The following SIPA1L1 variants were observed in gnomAD, a reference collection of about 807,000 sequenced individuals.
The protein encoded by SIPA1L1 is signal-induced proliferation-associated 1-like protein 1.
Under a neutral mutation model 162.7 loss-of-function variants are expected in SIPA1L1, and 26 were observed. That is an observed-to-expected ratio of 0.16 (90% CI 0.12 to 0.22). SIPA1L1 has a LOEUF of 0.22. Ranked by LOEUF, SIPA1L1 falls within the 10% of genes least tolerant of loss-of-function variation. The pLI is 1.00. For synonymous variants in SIPA1L1, 829 were observed against 837.4 expected (o/e 0.99, Z 0.17); for missense variants, 1,874 against 2,241.0 (o/e 0.84, Z 3.31).
At chr14:71,425,906 A>ATCT (rs373337183) in intron 2 of SIPA1L1, among the ~76,000 whole-genome samples, 280 of 152,236 alleles carry the variant, frequency 1.8e-3, no homozygotes, top group Non-Finnish European at 2.5e-3. Context: ...TAATGGTTAT[A>ATCT]TCTTGCTATA....
Position 71,506,109 on chromosome 14 carries a change from C to G in SIPA1L1, c.-464-6634C>G, listed in dbSNP as rs138461731. ...TTTTTCCAGGTTTGCACACGTTGTC[C>G]CATTATTGTCACATGAAAGAACAAA... is the stretch of plus-strand genomic sequence containing the variant. On this transcript the variant is annotated intron_variant, in intron 2 of 23. Coordinates refer to ENST00000381232, the MANE Select transcript of SIPA1L1 (RefSeq NM_001386936.1). Among the ~76,000 whole-genome samples, 345 of 152,098 alleles carry G rather than the reference C, an allele frequency of 2.3e-3. 1 individual carries two copies. The highest frequency in any genetic ancestry group is 8.1e-3 in the African/African-American group (335 of 41,508).
intron 2 of SIPA1L1, among the ~76,000 whole-genome samples, chr14:71,405,773 C>G (rs2041989056): frequency 1.3e-5 from 2 of 152,172 alleles, no homozygotes; most frequent in South Asian, 4.1e-4. Context: ...TGTCTTTTAT[C>G]TCTGACCCTG....
chr14:71,529,511 T>C, intron 4 of SIPA1L1, 141 bp downstream of exon 4: 1 of 519,588 alleles, frequency 1.9e-6, no homozygotes, highest in Admixed American at 3.2e-5. Flanking sequence ...TGAAGTCGTT[T>C]GTCATCTGCT....
intron 6 of SIPA1L1, among the ~76,000 whole-genome samples, chr14:71,621,356 T>A (rs1391825023): frequency 2.0e-5 from 3 of 152,150 alleles, no homozygotes; most frequent in African/African-American, 7.2e-5. Context: ...CCCGGTTATC[T>A]CTCTGCGCCT....
intron 5 of SIPA1L1, among the ~76,000 whole-genome samples, chr14:71,605,401 G>A (rs922702647): frequency 3.3e-5 from 5 of 152,084 alleles, no homozygotes; most frequent in African/African-American, 1.2e-4. Context: ...TCTGTTGCTG[G>A]AGACTTAATT....
chr14:71,389,113 A>G (rs2040559413), intron 2 of SIPA1L1, among the ~76,000 whole-genome samples: 1 of 152,096 alleles, frequency 6.6e-6, no homozygotes, highest in Non-Finnish European at 1.5e-5. Flanking sequence ...TGAATCACCA[A>G]AGATTTGTTT....
intron 2 of SIPA1L1, among the ~76,000 whole-genome samples, chr14:71,450,311 A>G (rs1019951862): frequency 5.9e-5 from 9 of 152,150 alleles, no homozygotes; most frequent in Non-Finnish European, 1.0e-4. Context: ...TTTACTTCCT[A>G]AGGTGTCAGT....
At chr14:71,714,940 A>G (rs1461599129) in intron 17 of SIPA1L1, among the ~76,000 whole-genome samples, 2 of 152,196 alleles carry the variant, frequency 1.3e-5, no homozygotes, top group Admixed American at 6.5e-5. Flanking sequence ...TTCAATATTT[A>G]ATTCCATTCC....
At chr14:71,430,594 A>G (rs2043914365) in intron 2 of SIPA1L1, among the ~76,000 whole-genome samples, 1 of 152,208 alleles carries the variant, frequency 6.6e-6, no homozygotes, top group African/African-American at 2.4e-5. Flanking sequence ...GGACCAGAGA[A>G]ATCACTTAAT....
chr14:71,543,200 C>A (rs1053679266), intron 4 of SIPA1L1, among the ~76,000 whole-genome samples: 4 of 152,126 alleles, frequency 2.6e-5, no homozygotes, highest in Admixed American at 2.6e-4. Context: ...GAGAATTACC[C>A]CATCACTCTT....
At chr14:71,573,790 G>T in intron 4 of SIPA1L1, 1 of 446,244 alleles carries the variant, frequency 2.2e-6, no homozygotes, top group South Asian at 1.6e-5. Context: ...ACTGTTAACA[G>T]TGGTTACTGG....
At chr14:71,625,612 A>C (rs1052751502) in intron 7 of SIPA1L1, among the ~76,000 whole-genome samples, 1 of 152,260 alleles carries the variant, frequency 6.6e-6, no homozygotes, top group Admixed American at 6.5e-5. Flanking sequence ...AATTCTTCAA[A>C]AGACTACTGA....
intron 17 of SIPA1L1, among the ~76,000 whole-genome samples, chr14:71,714,475 C>T (rs144070936): frequency 5.9e-5 from 9 of 152,290 alleles, no homozygotes; most frequent in Middle Eastern, 3.4e-3. Flanking sequence ...GGGCAGAGAG[C>T]CCATTCTTCG....
At chr14:71,721,985 G>T (rs1274137834) in intron 17 of SIPA1L1, among the ~76,000 whole-genome samples, 1 of 152,206 alleles carries the variant, frequency 6.6e-6, no homozygotes, top group African/African-American at 2.4e-5. Context: ...TGGTCTAAAT[G>T]CTCTGTCCGT....
chr14:71,551,030 T>C (rs2055777898), intron 4 of SIPA1L1, among the ~76,000 whole-genome samples: 1 of 152,098 alleles, frequency 6.6e-6, no homozygotes, highest in Non-Finnish European at 1.5e-5. Context: ...GTTCATATCC[T>C]AGGGTCTTTC....
chr14:71,599,147 C>CTTTTTTTTTTTTTT (rs35037397), intron 5 of SIPA1L1, among the ~76,000 whole-genome samples: 2 of 106,198 alleles, frequency 1.9e-5, no homozygotes, highest in African/African-American at 7.2e-5. Context: ...TGATTTCATT[C>CTTTTTTTTTTTTTT]TTTTTTTTTT....
At chr14:71,322,749 TAAGTA>T (rs568316776) in intron 2 of SIPA1L1, among the ~76,000 whole-genome samples, 102 of 152,358 alleles carry the variant, frequency 6.7e-4, no homozygotes, top group African/African-American at 2.3e-3. Context: ...TATTAATGCT[TAAGTA>T]AAGGACTCTT....
chr14:71,650,775 T>G (rs2042557136), intron 8 of SIPA1L1, among the ~76,000 whole-genome samples: 1 of 152,172 alleles, frequency 6.6e-6, no homozygotes, highest in Admixed American at 6.5e-5. Context: ...GAATTGCTCC[T>G]GGGTGAGCAT....
intron 2 of SIPA1L1, among the ~76,000 whole-genome samples, chr14:71,493,423 A>T (rs936964327): frequency 3.9e-5 from 6 of 152,294 alleles, no homozygotes; most frequent in African/African-American, 1.4e-4. Flanking sequence ...ACTTGGGCAG[A>T]TGGGAGGTCT....
Sources: gnomAD v4.1 joint callset for allele counts (sites outside exome capture counted in the v4.1 genomes callset) on GRCh38, gnomAD v4.1.1 for gene constraint, MANE v1.5 for transcripts, NCBI Gene and HGNC (gene_info 2026-07-23, HGNC 2026-07-21) for gene names.